Variants in METTL14 observed in about 807,000 individuals in gnomAD.
METTL14 encodes the protein methyltransferase 14, N6-adenosine-methyltransferase non-catalytic subunit.
In METTL14, 32 loss-of-function variants were observed where a neutral mutation model predicts 62.4. The ratio of observed to expected loss-of-function variants is 0.51; its 90% CI spans 0.39 to 0.69. The LOEUF (loss-of-function observed/expected upper bound fraction) is 0.69. METTL14 is among the 30% of genes least tolerant of loss of function. The pLI is 0.00. For synonymous variants in METTL14, 150 were observed against 180.0 expected, an observed-to-expected ratio of 0.83 and a Z score of 1.34; for missense variants, 340 against 551.9, an observed-to-expected ratio of 0.62 and a Z score of 3.85.
intron 5 of METTL14, 33 bp downstream of exon 5, chr4:118,692,101 T>C: frequency 8.1e-7 from 1 of 1,234,650 alleles, no homozygotes; most frequent in African/African-American, 1.5e-5. Context: ...ACGCTATTGC[T>C]GACTCTCAAT....
chr4:118,698,752 A>G (rs910914612), intron 7 of METTL14, among the ~76,000 whole-genome samples: 10 of 152,154 alleles, frequency 6.6e-5, no homozygotes, highest in Non-Finnish European at 1.5e-4. Context: ...ATAATACTGA[A>G]CAAGTTGATT....
chr4:118,697,474 G>A, intron 7 of METTL14, 151 bp downstream of exon 7: 2 of 639,630 alleles, frequency 3.1e-6, no homozygotes. Flanking sequence ...AAGGTCCAAG[G>A]TACATTGACT....
intron 9 of METTL14, 87 bp downstream of exon 9, chr4:118,704,138 C>A: frequency 2.7e-6 from 2 of 742,006 alleles, no homozygotes; most frequent in Admixed American, 6.3e-5. Flanking sequence ...TAATTAACTT[C>A]AGTGAAAAGG....
chr4:118,688,098 T>C, intron 2 of METTL14, 87 bp downstream of exon 2: 1 of 1,047,640 alleles, frequency 9.5e-7, no homozygotes, highest in Non-Finnish European at 1.4e-6. Flanking sequence ...TACAGTAGCA[T>C]GATTATGGCT....
intron 10 of METTL14, among the ~76,000 whole-genome samples, chr4:118,709,551 G>A: frequency 6.6e-6 from 1 of 152,174 alleles, no homozygotes. Context: ...GGAGTAACAT[G>A]GTAGTGGTTG....
At chr4:118,694,385 A>T in intron 5 of METTL14, 51 bp from the exon 6 acceptor site, 5 of 1,441,930 alleles carry the variant, frequency 3.5e-6, no homozygotes, top group Non-Finnish European at 4.8e-6. Context: ...TGAATTACTG[A>T]TATTAACTTC....
chr4:118,689,665 A>T (rs563689671), intron 3 of METTL14, among the ~76,000 whole-genome samples: 103 of 138,744 alleles, frequency 7.4e-4, no homozygotes, highest in African/African-American at 2.4e-3. Context: ...TTTTTTTGTG[A>T]CGGAGTCTCG....
intron 8 of METTL14, among the ~76,000 whole-genome samples, chr4:118,702,488 A>T (rs1724624622): frequency 6.6e-6 from 1 of 152,138 alleles, no homozygotes; most frequent in Non-Finnish European, 1.5e-5. Context: ...TTTTAAAATA[A>T]AATTCTGCTG....
At chr4:118,687,420 A>G (rs543966076) in intron 1 of METTL14, among the ~76,000 whole-genome samples, 1 of 152,088 alleles carries the variant, frequency 6.6e-6, no homozygotes, top group African/African-American at 2.4e-5. Context: ...GAAATTGGCT[A>G]AAGTGTCTTA....
chr4:118,704,833 G>A (rs560669025), intron 9 of METTL14, among the ~76,000 whole-genome samples: 1 of 152,286 alleles, frequency 6.6e-6, no homozygotes, highest in South Asian at 2.1e-4. Flanking sequence ...CTAACCTGAG[G>A]AAGAGGTCAT....
chr4:118,704,803 G>A (rs748228898), intron 9 of METTL14, among the ~76,000 whole-genome samples: 6 of 152,074 alleles, frequency 3.9e-5, no homozygotes, highest in Non-Finnish European at 8.8e-5. Flanking sequence ...TGAATTCCTC[G>A]AGCTGTTCTA....
chr4:118,694,049 G>T (rs1363682804), intron 5 of METTL14, among the ~76,000 whole-genome samples: 1 of 145,350 alleles, frequency 6.9e-6, no homozygotes, highest in Non-Finnish European at 1.5e-5. Flanking sequence ...TTAACAATCA[G>T]GTTCTTTAGG....
chr4:118,700,457 T>C lies in METTL14; in HGVS notation c.646-93T>C, dbSNP rs908857063. ...GAAACTAATACACTTAAAGAACACA[T>C]CTATCCTAATAAATCTTAATTGTTG... On this transcript the variant is annotated intron_variant, in intron 7 of 10. Coordinates refer to ENST00000388822, the MANE Select transcript of METTL14 (RefSeq NM_020961.4). The C allele has an allele frequency of 7.3e-6, 7 of 955,510 alleles. No homozygotes were observed. In the African/African-American group the frequency reaches 1.1e-4, roughly 16 times the overall value. The allele number at this position is 955,510 out of a possible 1,614,324, so 59.2% of individuals were successfully genotyped here.
At chr4:118,707,331 A>G (rs898341075) in intron 10 of METTL14, among the ~76,000 whole-genome samples, 2 of 151,722 alleles carry the variant, frequency 1.3e-5, no homozygotes, top group African/African-American at 4.8e-5. Flanking sequence ...AGTTAGCCAT[A>G]TAAATAATAG....
In METTL14 at chr4:118,696,117, C is replaced by CAAAAAAAAAAAAAAAAAAA. The variant is rs70941201; in HGVS notation, c.504-1055_504-1037dup. Among the ~76,000 whole-genome samples, 18 of 33,908 alleles carry CAAAAAAAAAAAAAAAAAAA rather than the reference C, an allele frequency of 5.3e-4. 2 individuals carry two copies. Among genetic ancestry groups the CAAAAAAAAAAAAAAAAAAA allele is most frequent in the Admixed American group, 1.4e-3 (3 of 2,118 alleles). The allele number at this position is 33,908 out of a possible 152,430, so 22.2% of individuals were successfully genotyped here. A position where few individuals can be genotyped will look rare whatever the true frequency, so the allele number is the denominator to read the frequency against. On this transcript the variant is annotated intron_variant, in intron 6 of 10. Coordinates refer to ENST00000388822, the MANE Select transcript of METTL14 (RefSeq NM_020961.4). ...CTGGCAACAGAGTGAGACTCTGTCT[C>CAAAAAAAAAAAAAAAAAAA]AAAAAAAAAAAAAAAAAAAAAAAAA...
Position 118,700,411 on chromosome 4 carries a change from A to G in METTL14, c.646-139A>G, listed in dbSNP as rs1724554024. 6.5e-6 allele frequency: 4 copies of G among 615,990 alleles called. No individual in the cohort carries two copies. In the South Asian group the frequency reaches 8.5e-5, roughly 13 times the overall value. The allele number at this position is 615,990 out of a possible 1,614,324, so 38.2% of individuals were successfully genotyped here. ...ACGAGTAATTTTAAGGATAACATTT[A>G]TTTTCTGTTAGTTCCTAATGGAAAC... On this transcript the variant is annotated intron_variant, in intron 7 of 10. Coordinates refer to ENST00000388822, the MANE Select transcript of METTL14 (RefSeq NM_020961.4).
chr4:118,698,322 A>G (rs1223982375), intron 7 of METTL14, among the ~76,000 whole-genome samples: 1 of 151,736 alleles, frequency 6.6e-6, no homozygotes, highest in African/African-American at 2.4e-5. Flanking sequence ...GTGTGGTGGC[A>G]CGTACCTGTA....
chr4:118,700,701 A>G (rs1246373765), intron 8 of METTL14, 59 bp downstream of exon 8: 4 of 1,187,696 alleles, frequency 3.4e-6, no homozygotes, highest in Middle Eastern at 4.0e-4. Flanking sequence ...ATGTAACAGT[A>G]TGTTGCATAG....
Position 118,700,677 on chromosome 4 carries a change from T to A in METTL14, c.738+35T>A, listed in dbSNP as rs1560881861. On this transcript the variant is annotated intron_variant, in intron 8 of 10. Coordinates refer to ENST00000388822, the MANE Select transcript of METTL14 (RefSeq NM_020961.4). ...TGCTTTTATAAAGTGGATTTTTAAA[T>A]TAATAAGAAAAAAATGTAACAGTAT... 8.9e-6 allele frequency: 13 copies of A among 1,462,372 alleles called. No individual in the cohort carries two copies. The Admixed American group carries it at 1.4e-4, about 15-fold the overall frequency. 90.6% of individuals were successfully genotyped at this position (1,462,372 alleles called of 1,614,324 possible).
Sources: gnomAD v4.1 joint callset for allele counts (sites outside exome capture counted in the v4.1 genomes callset) on GRCh38, gnomAD v4.1.1 for gene constraint, MANE v1.5 for transcripts, NCBI Gene and HGNC (gene_info 2026-07-23, HGNC 2026-07-21) for gene names.